PRAMEF19: variants seen among roughly 807,000 people sequenced by gnomAD.
PRAMEF19 encodes PRAME family member 19, also known as PRAME family member-like.
PRAMEF19 carries 21 observed loss-of-function variants against 33.1 expected under a neutral mutation model. The ratio of observed to expected loss-of-function variants is 0.63; its 90% confidence interval spans 0.45 to 0.91. The LOEUF is 0.91. Among genes scored for constraint, PRAMEF19 ranks in the 40% least tolerant of loss-of-function variants. The pLI is 0.00. For missense variants in PRAMEF19, 481 were observed against 585.2 expected, an observed-to-expected ratio of 0.82 and a Z score of 1.84; for synonymous variants, 179 against 229.3, an observed-to-expected ratio of 0.78 and a Z score of 1.98.
At chr1:13,370,938 G>T in exon 2 of PRAMEF19, 1 of 1,613,626 alleles carries the variant, frequency 6.2e-7, no homozygotes, top group Admixed American at 1.7e-5. Context: ...CTGAAATTTA[G>T]AATGTTCATT....
At chr1:13,371,786 G>T in exon 1 of PRAMEF19, 14 of 1,611,718 alleles carry the variant, frequency 8.7e-6, no homozygotes, top group Non-Finnish European at 1.1e-5. Flanking sequence ...TCCACGAACA[G>T]TCGGGGGAAG....
exon 3 of PRAMEF19, chr1:13,369,076 C>G (rs1441770060): frequency 6.2e-7 from 1 of 1,612,034 alleles, no homozygotes; most frequent in African/African-American, 1.3e-5. Flanking sequence ...ACTAGGCAGG[C>G]CTTCCCCGCA....
At chr1:13,369,399 G>T (rs755651505) in exon 3 of PRAMEF19, 2 of 1,612,786 alleles carry the variant, frequency 1.2e-6, no homozygotes, top group Non-Finnish European at 1.7e-6. Context: ...AGGGCAGGCA[G>T]GATGACCCTG....
rs1294798082 is a variant in PRAMEF19 at position 13,371,675 on chromosome 1, C to A, written c.226G>T (p.Glu76Ter). 1 of 1,610,628 alleles carries A rather than the reference C, an allele frequency of 6.2e-7. No homozygotes were observed. Among genetic ancestry groups the A allele is most frequent in the Non-Finnish European group, 8.5e-7 (1 of 1,179,610 alleles). ...CCATCCACTACATAATGTAAGATCT[C>A]CAGATCAGGCGTCTTCATCAGGGAC... Residue 76 changes from glutamate (E) to a stop codon, truncating the protein, a stop_gained, in exon 1 of 3, where the codon GAG becomes TAG. Coordinates refer to ENST00000376101, the Ensembl canonical transcript of PRAMEF19. LOFTEE classifies it high-confidence loss of function.
chr1:13,370,419 C>T (rs1640655953), intron 2 of PRAMEF19, among the ~76,000 whole-genome samples: 1 of 152,242 alleles, frequency 6.6e-6, no homozygotes, highest in Admixed American at 6.5e-5. Flanking sequence ...CAGCTCCCTA[C>T]ACGATGTCCC....
chr1:13,369,518 C>T, exon 3 of PRAMEF19: 1 of 1,613,970 alleles, frequency 6.2e-7, no homozygotes, highest in South Asian at 1.1e-5. Flanking sequence ...GCGCAGTGTA[C>T]CATGACTCAG....
chr1:13,370,796 G>A, exon 2 of PRAMEF19: 1 of 1,613,938 alleles, frequency 6.2e-7, no homozygotes, highest in Non-Finnish European at 8.5e-7. Context: ...ACAGCCATCG[G>A]AGATGAAGAG....
chr1:13,371,837 C>A, exon 1 of PRAMEF19: 2 of 1,611,996 alleles, frequency 1.2e-6, no homozygotes, highest in Non-Finnish European at 1.7e-6. Context: ...ATGGCCAAGG[C>A]CTGGTCCCTC....
chr1:13,370,964 T>A (rs1640664412), exon 2 of PRAMEF19: 1 of 1,612,448 alleles, frequency 6.2e-7, no homozygotes, highest in South Asian at 1.1e-5. Context: ...ATTTACCACC[T>A]TAGTACAGCA....
intron 2 of PRAMEF19, 143 bp downstream of exon 2, chr1:13,370,506 G>A (rs2100382942): frequency 9.1e-7 from 1 of 1,096,504 alleles, no homozygotes; most frequent in Non-Finnish European, 1.3e-6. Flanking sequence ...AGGATATAGA[G>A]CACCAAACAG....
chr1:13,370,456 C>A (rs1303739328), intron 2 of PRAMEF19, among the ~76,000 whole-genome samples, 193 bp downstream of exon 2: 1 of 152,060 alleles, frequency 6.6e-6, no homozygotes, highest in Non-Finnish European at 1.5e-5. Flanking sequence ...GCCAGGTCAT[C>A]CCTCTGCCCT....
downstream of PRAMEF19, among the ~76,000 whole-genome samples, chr1:13,368,613 G>A (rs1320233797): frequency 6.6e-6 from 1 of 152,184 alleles, no homozygotes; most frequent in East Asian, 1.9e-4. Flanking sequence ...TACTTCCGAC[G>A]TTTCTTTGTA....
In PRAMEF19 at chr1:13,370,762, GC is replaced by G. The variant is rs1379385683; in HGVS notation, c.752del (p.Ser251ThrfsTer5). 1.5e-5 allele frequency: 25 copies of G among 1,613,882 alleles called. No individual in the cohort carries two copies. In the East Asian group the frequency reaches 3.8e-4, roughly 24 times the overall value. On this transcript the variant is annotated frameshift_variant, in exon 2 of 3. Coordinates refer to ENST00000376101, the Ensembl canonical transcript of PRAMEF19. LOFTEE classifies it high-confidence loss of function. ...TGAATTCAGCAACTAACTGTCCTTG[GC>G]TCTCAAAGCTTGGCAGGTAACCACA...
In PRAMEF19 at chr1:13,370,701, G is replaced by A. The variant is rs1640660742; in HGVS notation, c.814C>T (p.Leu272Phe). The change falls in exon 2 of 3, where the codon CTT (leucine) becomes TTT (phenylalanine). Residue 272 changes from leucine (L) to phenylalanine (F), a missense_variant. By Grantham distance (22) the Leu-to-Phe change is conservative. Coordinates refer to ENST00000376101, the Ensembl canonical transcript of PRAMEF19. ...AAGAAGCGGATCCTTCTCATATAAAGCATCTGGAGGTACTCCAGCCTGAGG... is the reference window on the plus strand; with the variant it reads ...AAGAAGCGGATCCTTCTCATATAAAACATCTGGAGGTACTCCAGCCTGAGG... 1.9e-6 allele frequency: 3 copies of A among 1,613,924 alleles called. No individual in the cohort carries two copies. The Admixed American group carries it at 5.0e-5, about 27-fold the overall frequency.
exon 3 of PRAMEF19, chr1:13,369,240 C>A (rs1376173163): frequency 6.2e-6 from 10 of 1,612,002 alleles, no homozygotes; most frequent in Non-Finnish European, 7.6e-6. Flanking sequence ...ATGACACGAC[C>A]CCTGTTGTCA....
chr1:13,368,496 A>G (rs1640627281), downstream of PRAMEF19, among the ~76,000 whole-genome samples: 1 of 152,152 alleles, frequency 6.6e-6, no homozygotes, highest in South Asian at 2.1e-4. Flanking sequence ...ATGAACTAGT[A>G]CCTCTTTTTT....
At chr1:13,370,326 TATC>T (rs1389176314) in intron 2 of PRAMEF19, among the ~76,000 whole-genome samples, 1 of 152,302 alleles carries the variant, frequency 6.6e-6, no homozygotes, top group African/African-American at 2.4e-5. Context: ...TATTCATACT[TATC>T]ATATTAACTT....
chr1:13,370,901 T>C, exon 2 of PRAMEF19: 2 of 1,613,974 alleles, frequency 1.2e-6, no homozygotes, highest in South Asian at 1.1e-5. Context: ...TTGGATACTG[T>C]CTGGGTATAC....
chr1:13,368,816 T>G (rs1217353865), downstream of PRAMEF19, among the ~76,000 whole-genome samples: 1 of 152,096 alleles, frequency 6.6e-6, no homozygotes, highest in African/African-American at 2.4e-5. Context: ...TCTGCTCCCT[T>G]TATAATACAC....
Sources: allele counts gnomAD v4.1 joint callset (sites outside exome capture counted in the v4.1 genomes callset), GRCh38; gene constraint gnomAD v4.1.1; transcripts MANE v1.5; gene names NCBI Gene and HGNC (gene_info 2026-07-23, HGNC 2026-07-21).